The following CIC variants were observed in gnomAD, a reference collection of about 807,000 sequenced individuals.
The protein encoded by CIC is protein capicua homolog.
In CIC, 18 loss-of-function variants were observed where a neutral mutation model predicts 115.7. The observed-to-expected ratio is 0.16, with a 90% confidence interval of 0.11 to 0.23. CIC has a LOEUF of 0.23. CIC is among the 10% of genes least tolerant of loss of function. CIC has a pLI of 1.00. For missense variants in CIC, 2,000 were observed against 2,159.3 expected (o/e 0.93, Z 1.46); for synonymous variants, 1,076 against 923.0 (o/e 1.17, Z -3.01).
At position 42,273,502 on chromosome 19, in the gene CIC, G is replaced by A. The variant is rs1468093966; in HGVS notation, c.1719G>A (p.Val573=). Residue 573 remains valine (V), a synonymous_variant, in exon 2 of 21, where the codon GTG becomes GTA. Coordinates refer to ENST00000681038, the MANE Select transcript of CIC (RefSeq NM_001386298.1). The part of the protein sequence containing the change: ...ETSRDSEASS[V]AARGDSRPRL... ...CGAGGGACAGTGAGGCCAGCAGTGTGGCGGCTCGTGGAGACTCACGGCCAC... is the reference window on the plus strand; with the variant it reads ...CGAGGGACAGTGAGGCCAGCAGTGTAGCGGCTCGTGGAGACTCACGGCCAC... 1 of 398,394 alleles carries A rather than the reference G, an allele frequency of 2.5e-6. No individual in the cohort carries two copies. Among genetic ancestry groups the A allele is most frequent in the Non-Finnish European group, 4.4e-6 (1 of 225,978 alleles). The allele number at this position is 398,394 out of a possible 1,614,324, so 24.7% of individuals were successfully genotyped here.
At position 42,280,254 on chromosome 19, in the gene CIC, A is replaced by T. The variant is rs1237702979; in HGVS notation, c.2794+5677A>T. 1 of 152,034 alleles carries T rather than the reference A, an allele frequency of 6.6e-6. No homozygotes were observed. Among genetic ancestry groups the T allele is most frequent in the Non-Finnish European group, 1.5e-5 (1 of 67,982 alleles). 9.4% of individuals were successfully genotyped at this position (152,034 alleles called of 1,614,324 possible). ...CAGCGGAAAAGCTGATTGTGAAGCC[A>T]GATAGATTTGGGTTCAAATCCCGGC... On this transcript the variant is annotated intron_variant, in intron 2 of 20. Transcript: ENST00000681038. This position sits in a 1 kb window ranked among gnomAD's most constrained non-coding sequence, Gnocchi z 4.9.
chr19:42,284,839 T>G, intron 2 of CIC: 1 of 1,321,796 alleles, frequency 7.6e-7, no homozygotes, highest in Non-Finnish European at 1.1e-6. Flanking sequence ...GGAGTAACGG[T>G]GGTGGGGGTA....
upstream of CIC, among the ~76,000 whole-genome samples, chr19:42,268,880 G>A (rs1040603259): frequency 2.0e-5 from 3 of 152,176 alleles, no homozygotes; most frequent in Non-Finnish European, 2.9e-5. Flanking sequence ...TCATTTCATT[G>A]GCTACTGTCC....
chr19:42,290,294 C>T lies in CIC; in HGVS notation c.4253C>T (p.Pro1418Leu). ...TCCTCCTTTACCCACTGCCGCCCCC[C>T]ACTGGACCCTGAGCCCCCAGGGCCC... ...IRSSFTHCRP[P>L]LDPEPPGPPD... Residue 1418 changes from proline to leucine, a missense_variant, in exon 11 of 21, where the codon CCA (proline) becomes CTA (leucine). Physicochemically the swap from Pro to Leu is moderately conservative, Grantham distance 98 (BLOSUM62 -3). Around this residue, in one of 8 missense-constraint regions of CIC, gnomAD observed 1,466 missense variants for 1,390.4 expected, o/e 1.05. Transcript: ENST00000681038. 1 of 1,614,094 alleles carries T rather than the reference C, an allele frequency of 6.2e-7. No homozygotes were observed. Among genetic ancestry groups the T allele is most frequent in the Non-Finnish European group, 8.5e-7 (1 of 1,179,980 alleles).
In CIC at chr19:42,293,664, C is replaced by T; in HGVS notation, c.6595C>T (p.Pro2199Ser). The change falls in exon 17 of 21, where the codon CCC becomes TCC. Residue 2199 changes from proline (P) to serine (S), a missense_variant. Pro to Ser is a moderately conservative substitution (Grantham distance 74, BLOSUM62 -1). This residue lies in a region of CIC where 1,466 missense variants were observed against 1,390.4 expected (regional missense o/e 1.05). Transcript: ENST00000681038. ...GQGLENRGEP[P>S]TPPSPAPAPA... ...GGGCCTGGAGAATCGTGGGGAGCCTCCCACTCCTCCCAGCCCGGCCCCAGC... is the reference window on the plus strand; with the variant it reads ...GGGCCTGGAGAATCGTGGGGAGCCTTCCACTCCTCCCAGCCCGGCCCCAGC... The T allele has an allele frequency of 6.2e-7, 1 of 1,612,834 alleles. No homozygotes were observed. The highest frequency in any genetic ancestry group is 8.5e-7 in the Non-Finnish European group (1 of 1,179,782).
chr19:42,273,098 G>A lies in CIC; in HGVS notation c.1315G>A (p.Glu439Lys), dbSNP rs2036846235. ...CTTTGTGGGCCCCGGCCGCCCTGGC[G>A]AGCAGCCCTCGCCCTGCCAGGAGGG... ...PAFVGPGRPG[E>K]QPSPCQEGSQ... The change falls in exon 2 of 21, where the codon GAG (glutamate) becomes AAG (lysine). Residue 439 changes from glutamate to lysine, a missense_variant. By Grantham distance (56) the Glu-to-Lys change is moderately conservative. This residue lies in a region of CIC where 222 missense variants were observed against 247.7 expected (regional missense o/e 0.90). Transcript: ENST00000681038. The A allele has an allele frequency of 2.5e-6, 1 of 398,734 alleles. No homozygotes were observed. Among genetic ancestry groups the A allele is most frequent in the Non-Finnish European group, 4.4e-6 (1 of 226,232 alleles). 24.7% of individuals were successfully genotyped at this position (398,734 alleles called of 1,614,324 possible).
At chr19:42,285,521 C>T (rs376706038) in intron 2 of CIC, among the ~76,000 whole-genome samples, 1 of 152,214 alleles carries the variant, frequency 6.6e-6, no homozygotes. Flanking sequence ...TTTGTCAGCC[C>T]CTCTCAGAAT....
At position 42,292,324 on chromosome 19, in the gene CIC, C is replaced by T. The variant is rs371528038; in HGVS notation, c.5760C>T (p.Gly1920=). 127 of 1,613,160 alleles carry T rather than the reference C, an allele frequency of 7.9e-5. No individual in the cohort carries two copies. Among genetic ancestry groups the T allele is most frequent in the South Asian group, 2.7e-4 (25 of 91,086 alleles). The part of the protein sequence containing the change: ...STRITYVQSA[G]GHALPLGTSP... The stretch of plus-strand genomic sequence containing the variant: ...GAATCACCTATGTGCAGTCAGCGGG[C>T]GGGCACGCGCTGCCCCTGGGTACCA... Residue 1920 remains glycine, a synonymous_variant, in exon 14 of 21, where the codon GGC becomes GGT. Transcript: ENST00000681038.
In CIC at chr19:42,292,692, C is replaced by T. The variant is rs1293417011; in HGVS notation, c.6029C>T (p.Ala2010Val). Reference protein sequence around the residue: ...VITAFYSGSPAPTSSAPLAQP... With the variant: ...VITAFYSGSPVPTSSAPLAQP... ...ACAGCATTTTACTCTGGCAGCCCTG[C>T]ACCCACCTCCTCAGCACCCCTGGCC... Residue 2010 changes from alanine to valine, a missense_variant, in exon 15 of 21, where the codon GCA (alanine) becomes GTA (valine). Physicochemically the swap from Ala to Val is moderately conservative, Grantham distance 64 (BLOSUM62 0). This residue lies in a region of CIC where 1,466 missense variants were observed against 1,390.4 expected (regional missense o/e 1.05). Transcript: ENST00000681038. 2.5e-6 allele frequency: 4 copies of T among 1,613,912 alleles called. No homozygotes were observed. The highest frequency in any genetic ancestry group is 4.5e-5 in the East Asian group (2 of 44,878).
chr19:42,287,285 A>G lies in CIC; in HGVS notation c.3180-35A>G. The G allele has an allele frequency of 1.2e-6, 2 of 1,613,950 alleles. No individual in the cohort carries two copies. The highest frequency in any genetic ancestry group is 8.5e-7 in the Non-Finnish European group (1 of 1,179,970). ...GGACTTGGGGGTGGGATGGCCAGAG[A>G]CATGGCCCTCACTGTCCCTGCTGCC... On this transcript the variant is annotated intron_variant, in intron 4 of 20. Coordinates refer to ENST00000681038, the MANE Select transcript of CIC (RefSeq NM_001386298.1). The surrounding 1 kb of genome is among the most constrained non-coding windows in gnomAD (Gnocchi z 8.7).
Position 42,287,919 on chromosome 19 carries a change from A to G in CIC, c.3602A>G (p.His1201Arg). ...ACGAGCCTGGGGCTGGCAGGAGGGC[A>G]CAAGGAGACGCGGGAGCGGAGCATG... ...KPTSLGLAGG[H>R]KETRERSMSE... The change falls in exon 7 of 21, where the codon CAC (histidine) becomes CGC (arginine). Residue 1201 changes from histidine (H) to arginine (R), a missense_variant. Coordinates refer to ENST00000681038, the MANE Select transcript of CIC (RefSeq NM_001386298.1). The surrounding 1 kb of genome is among the most constrained non-coding windows in gnomAD (Gnocchi z 8.7). The G allele has an allele frequency of 6.2e-7, 1 of 1,609,080 alleles. No homozygotes were observed. The highest frequency in any genetic ancestry group is 8.5e-7 in the Non-Finnish European group (1 of 1,177,908).
At position 42,286,822 on chromosome 19, in the gene CIC, T is replaced by C; in HGVS notation, c.2846T>C (p.Leu949Ser). 1 of 1,613,942 alleles carries C rather than the reference T, an allele frequency of 6.2e-7. No homozygotes were observed. The highest frequency in any genetic ancestry group is 8.5e-7 in the Non-Finnish European group (1 of 1,179,958). The change falls in exon 3 of 21, where the codon TTA becomes TCA. Residue 949 changes from leucine (L) to serine (S), a missense_variant. This residue lies in a region of CIC where 222 missense variants were observed against 247.7 expected (regional missense o/e 0.90). Transcript: ENST00000681038. ...RSVAVFPWHS[L>S]VPFLAPSQPD... ...GTGGCTGTGTTCCCTTGGCACTCCT[T>C]AGTCCCCTTCCTGGCACCCAGCCAG...
At position 42,287,530 on chromosome 19, in the gene CIC, C is replaced by A. The variant is rs1181253062; in HGVS notation, c.3310-15C>A. 2 of 1,613,010 alleles carry A rather than the reference C, an allele frequency of 1.2e-6. No homozygotes were observed. The highest frequency in any genetic ancestry group is 2.2e-5 in the South Asian group (2 of 91,090). Reference sequence around the variant, plus strand: ...CAGGTCCTAACTGTCCCGCTCTGGGCTGTGTTTAATGCAGCGGGAGAAGGA... The same window carrying A: ...CAGGTCCTAACTGTCCCGCTCTGGGATGTGTTTAATGCAGCGGGAGAAGGA... On this transcript the variant is annotated splice_polypyrimidine_tract_variant and intron_variant, in intron 5 of 20. Coordinates refer to ENST00000681038, the MANE Select transcript of CIC (RefSeq NM_001386298.1). The surrounding 1 kb of genome is among the most constrained non-coding windows in gnomAD (Gnocchi z 8.7).
At chr19:42,278,262 G>A (rs555394627) in intron 2 of CIC, among the ~76,000 whole-genome samples, 1 of 152,358 alleles carries the variant, frequency 6.6e-6, no homozygotes, top group Non-Finnish European at 1.5e-5. Context: ...AGTCCAGGAG[G>A]CCAGATGTCT....
rs746989941 is a variant in CIC at position 42,287,437 on chromosome 19, C to T, written c.3297C>T (p.Arg1099=). 5.0e-6 allele frequency: 8 copies of T among 1,613,570 alleles called. No individual in the cohort carries two copies. The highest frequency in any genetic ancestry group is 6.8e-6 in the Non-Finnish European group (8 of 1,180,036). ...ACTCATCTTCTGAGAAGGATGGACG[C>T]AGCCCCAACAAGGTACTTTATCCCT... is the stretch of plus-strand genomic sequence containing the variant. ...ERDSSSEKDG[R]SPNKREKDHI... Residue 1099 remains arginine, a synonymous_variant, in exon 5 of 21, where the codon CGC becomes CGT. Transcript: ENST00000681038. The surrounding 1 kb of genome is among the most constrained non-coding windows in gnomAD (Gnocchi z 8.7).
chr19:42,283,252 A>G (rs755186734), intron 2 of CIC, among the ~76,000 whole-genome samples: 44 of 151,914 alleles, frequency 2.9e-4, no homozygotes, highest in Non-Finnish European at 5.3e-4. Flanking sequence ...AAGCAGGGCT[A>G]TGCTGAGTTC....
chr19:42,288,243 A>G (rs1041734779), intron 7 of CIC, among the ~76,000 whole-genome samples: 5 of 152,232 alleles, frequency 3.3e-5, no homozygotes, highest in African/African-American at 1.2e-4. Flanking sequence ...CAGGGAATAT[A>G]AGCTGTAGTC....
At chr19:42,289,554 A>G in intron 9 of CIC, 148 bp downstream of exon 9, 2 of 961,326 alleles carry the variant, frequency 2.1e-6, no homozygotes, top group South Asian at 1.4e-5. Flanking sequence ...GGCCCTGCCG[A>G]GTAAATCCAG....
At position 42,287,007 on chromosome 19, in the gene CIC, A is replaced by C. The variant is rs1198261007; in HGVS notation, c.2946A>C (p.Glu982Asp). The C allele has an allele frequency of 1.9e-6, 3 of 1,609,434 alleles. No individual in the cohort carries two copies. The highest frequency in any genetic ancestry group is 3.3e-5 in the Admixed American group (2 of 59,996). The change falls in exon 4 of 21, where the codon GAA becomes GAC. Residue 982 changes from glutamate (E) to aspartate (D), a missense_variant and splice_region_variant. Physicochemically the swap from Glu to Asp is conservative, Grantham distance 45 (BLOSUM62 2). This residue lies in a region of CIC where 222 missense variants were observed against 247.7 expected (regional missense o/e 0.90). Transcript: ENST00000681038. This position sits in a 1 kb window ranked among gnomAD's most constrained non-coding sequence, Gnocchi z 8.7. Reference protein sequence around the residue: ...SHPVASNQSKEPAESAAVAHE... With the variant: ...SHPVASNQSKDPAESAAVAHE... ...TCTGATCTACCTCTGTGTCCCCAGA[A>C]CCTGCTGAGTCGGCAGCTGTTGCTC... is the stretch of plus-strand genomic sequence containing the variant.
Sources: allele counts gnomAD v4.1 joint callset (sites outside exome capture counted in the v4.1 genomes callset), GRCh38; gene constraint gnomAD v4.1.1; regional missense constraint gnomAD v4.1.1; non-coding constraint Gnocchi (gnomAD v3.1); transcripts MANE v1.5; gene names NCBI Gene and HGNC (gene_info 2026-07-23, HGNC 2026-07-21).